The following WNT2 variants were observed in gnomAD, a reference collection of about 807,000 sequenced individuals.
The protein encoded by WNT2 is Wnt family member 2.
In WNT2, 12 loss-of-function variants were observed where a neutral mutation model predicts 36.9. The observed-to-expected ratio is 0.33, with a 90% CI of 0.21 to 0.53. The LOEUF (loss-of-function observed/expected upper bound fraction) is 0.53, where lower values mean the gene tolerates loss of function less well. Ranked by LOEUF, WNT2 falls within the 20% of genes least tolerant of loss-of-function variation. The pLI, the probability that WNT2 is intolerant of heterozygous loss-of-function variation, is 0.95. For synonymous variants in WNT2, 163 were observed against 174.6 expected (o/e 0.93, Z 0.52); for missense variants, 379 against 473.1 (o/e 0.80, Z 1.84).
At chr7:117,287,627 T>C (rs1794609990) in intron 4 of WNT2, among the ~76,000 whole-genome samples, 1 of 152,130 alleles carries the variant, frequency 6.6e-6, no homozygotes, top group African/African-American at 2.4e-5. Context: ...TGCTTTCTTC[T>C]ATATACTGTG....
At chr7:117,280,100 G>A (rs1228164554) in intron 4 of WNT2, among the ~76,000 whole-genome samples, 10 of 152,064 alleles carry the variant, frequency 6.6e-5, no homozygotes, top group Admixed American at 3.3e-4. Flanking sequence ...GATTGGCGGC[G>A]GAGAGCAGGA....
At chr7:117,279,524 C>G (rs1008486375) in intron 4 of WNT2, among the ~76,000 whole-genome samples, 1 of 152,146 alleles carries the variant, frequency 6.6e-6, no homozygotes, top group Non-Finnish European at 1.5e-5. Context: ...AGCTGTACAC[C>G]ATGGTGAGGT....
Position 117,322,849 on chromosome 7 carries a change from C to T in WNT2, c.83+58G>A. 1 of 1,562,266 alleles carries T rather than the reference C, an allele frequency of 6.4e-7. No individual in the cohort carries two copies. The highest frequency in any genetic ancestry group is 2.2e-5 in the East Asian group (1 of 44,620). ...ACGCAGCCAGGAAGGGTCTATGTGG[C>T]CAATGCGGTCCCCATTCCGATCTCC... On this transcript the variant is annotated intron_variant, in intron 1 of 4. Coordinates refer to ENST00000265441, the MANE Select transcript of WNT2 (RefSeq NM_003391.3). This position sits in a 1 kb window ranked among gnomAD's most constrained non-coding sequence, Gnocchi z 5.4.
At chr7:117,314,380 T>C (rs1795175597) in intron 3 of WNT2, among the ~76,000 whole-genome samples, 3 of 152,244 alleles carry the variant, frequency 2.0e-5, no homozygotes, top group Admixed American at 2.0e-4. Flanking sequence ...TCCTTTCTAC[T>C]AACTTCCTTG....
chr7:117,294,067 T>A (rs1335085701), intron 4 of WNT2, among the ~76,000 whole-genome samples: 2 of 152,190 alleles, frequency 1.3e-5, no homozygotes, highest in African/African-American at 4.8e-5. Context: ...ACTTTATTTA[T>A]TTTTTATTTT....
intron 4 of WNT2, among the ~76,000 whole-genome samples, chr7:117,286,190 G>A (rs1794575905): frequency 1.3e-5 from 2 of 152,154 alleles, no homozygotes; most frequent in Non-Finnish European, 2.9e-5. Context: ...AACACTTTTG[G>A]TGGAGCAATG....
At chr7:117,318,691 C>T (rs936754976) in intron 2 of WNT2, among the ~76,000 whole-genome samples, 2 of 152,114 alleles carry the variant, frequency 1.3e-5, no homozygotes, top group Non-Finnish European at 1.5e-5. Flanking sequence ...GCATGTACCA[C>T]CACACCCATG....
chr7:117,278,438 G>A, intron 4 of WNT2, 54 bp from the exon 5 acceptor site: 1 of 1,525,580 alleles, frequency 6.6e-7, no homozygotes, highest in Non-Finnish European at 8.9e-7. Context: ...AATCCAATAT[G>A]CCTCCAGAGG....
At chr7:117,278,712 G>T (rs890515922) in intron 4 of WNT2, among the ~76,000 whole-genome samples, 1 of 152,208 alleles carries the variant, frequency 6.6e-6, no homozygotes, top group Non-Finnish European at 1.5e-5. Flanking sequence ...TGAATTTAAG[G>T]ATCCTTGATC....
chr7:117,296,325 C>T (rs957011039), intron 4 of WNT2, among the ~76,000 whole-genome samples: 6 of 152,086 alleles, frequency 3.9e-5, no homozygotes, highest in Admixed American at 1.3e-4. Context: ...TCAAATGCTG[C>T]GGAGAACTAG....
intron 4 of WNT2, among the ~76,000 whole-genome samples, chr7:117,286,429 TTC>T (rs780356641): frequency 1.3e-5 from 2 of 151,240 alleles, no homozygotes; most frequent in East Asian, 3.9e-4. Flanking sequence ...CTCCCCGCCC[TTC>T]TCTCCCTATT....
intron 3 of WNT2, among the ~76,000 whole-genome samples, chr7:117,307,375 A>G (rs1411901842): frequency 6.6e-6 from 1 of 152,188 alleles, no homozygotes; most frequent in Non-Finnish European, 1.5e-5. Context: ...ACCCAGGAGT[A>G]GAGGAGCTTG....
chr7:117,296,371 G>A (rs1477576728), intron 4 of WNT2, among the ~76,000 whole-genome samples: 1 of 151,918 alleles, frequency 6.6e-6, no homozygotes, highest in African/African-American at 2.4e-5. Context: ...ACCACTCAGG[G>A]GCAAAAAAAG....
intron 3 of WNT2, 47 bp downstream of exon 3, chr7:117,315,024 T>C: frequency 6.3e-7 from 1 of 1,596,818 alleles, no homozygotes; most frequent in South Asian, 1.1e-5. Context: ...CTAAGTGGTT[T>C]ATAAAGCCAT....
chr7:117,278,154 G>T lies in WNT2; in HGVS notation c.*1C>A, dbSNP rs756848111. ...AAGGTGGATGGTGACGCCTGCTGGGGTCATGTAGCGGTTGTCCAGTCAGCG... is the reference window on the plus strand; with the variant it reads ...AAGGTGGATGGTGACGCCTGCTGGGTTCATGTAGCGGTTGTCCAGTCAGCG... On this transcript the variant is annotated 3_prime_UTR_variant, in exon 5 of 5. Coordinates refer to ENST00000265441, the MANE Select transcript of WNT2 (RefSeq NM_003391.3). The T allele has an allele frequency of 2.1e-5, 34 of 1,614,046 alleles. No individual in the cohort carries two copies. The highest frequency in any genetic ancestry group is 5.0e-5 in the Admixed American group (3 of 60,014).
At chr7:117,308,559 A>G (rs555366439) in intron 3 of WNT2, among the ~76,000 whole-genome samples, 5 of 152,334 alleles carry the variant, frequency 3.3e-5, no homozygotes, top group Admixed American at 1.3e-4. Flanking sequence ...TTGGGGTCCA[A>G]CAAGACAGAA....
intron 4 of WNT2, among the ~76,000 whole-genome samples, chr7:117,294,154 C>A (rs1290080668): frequency 6.6e-6 from 1 of 152,190 alleles, no homozygotes; most frequent in African/African-American, 2.4e-5. Context: ...CCGCCTCAGT[C>A]TCCCAAGGTG....
chr7:117,307,450 G>A (rs922438311), intron 3 of WNT2, among the ~76,000 whole-genome samples: 10 of 151,872 alleles, frequency 6.6e-5, no homozygotes, highest in Non-Finnish European at 1.5e-4. Flanking sequence ...AAGCCTGTCT[G>A]ACACCAAAGT....
chr7:117,303,228 G>A (rs761333505), intron 3 of WNT2, among the ~76,000 whole-genome samples: 9 of 152,178 alleles, frequency 5.9e-5, no homozygotes, highest in Non-Finnish European at 1.0e-4. Flanking sequence ...GCACCGTGGC[G>A]GGAGTCTGGG....
Sources: gnomAD v4.1 joint callset for allele counts (sites outside exome capture counted in the v4.1 genomes callset) on GRCh38, gnomAD v4.1.1 for gene constraint, Gnocchi (gnomAD v3.1) non-coding constraint, MANE v1.5 for transcripts, NCBI Gene and HGNC (gene_info 2026-07-23, HGNC 2026-07-21) for gene names.